The following GKAP1 variants were observed in gnomAD, a reference collection of about 807,000 sequenced individuals.
GKAP1 encodes the protein G kinase anchoring protein 1.
In GKAP1, 31 loss-of-function variants were observed where a neutral mutation model predicts 56.7. That is an observed-to-expected ratio of 0.55 (90% confidence interval 0.41 to 0.74). The LOEUF (loss-of-function observed/expected upper bound fraction) is 0.74. GKAP1 is among the 30% of genes least tolerant of loss of function. The pLI is 0.00. For missense variants in GKAP1, 364 were observed against 402.3 expected (o/e 0.90, Z 0.82); for synonymous variants, 151 against 138.6 (o/e 1.09, Z -0.63).
intron 8 of GKAP1, among the ~76,000 whole-genome samples, chr9:83,757,417 T>C (rs1033800826): frequency 2.6e-5 from 4 of 152,208 alleles, no homozygotes; most frequent in African/African-American, 9.6e-5. Flanking sequence ...GAAACAAATT[T>C]CACAAAATAT....
At chr9:83,794,031 G>A (rs908603141) in intron 4 of GKAP1, among the ~76,000 whole-genome samples, 2 of 152,144 alleles carry the variant, frequency 1.3e-5, no homozygotes, top group African/African-American at 4.8e-5. Context: ...AGCCAGCCAT[G>A]GTGGAGTGTG....
intron 3 of GKAP1, among the ~76,000 whole-genome samples, chr9:83,803,992 A>G (rs1944380960): frequency 7.7e-6 from 1 of 129,278 alleles, no homozygotes; most frequent in Non-Finnish European, 1.6e-5. Context: ...GCCCCGTCTG[A>G]GAAGTGAGGA....
intron 4 of GKAP1, among the ~76,000 whole-genome samples, chr9:83,789,419 G>C (rs1944117855): frequency 1.3e-5 from 2 of 152,174 alleles, no homozygotes; most frequent in African/African-American, 4.8e-5. Context: ...TGGGCATAAG[G>C]TGAGTGGGTT....
chr9:83,760,788 A>C (rs1435254648), intron 8 of GKAP1, among the ~76,000 whole-genome samples: 2 of 152,200 alleles, frequency 1.3e-5, no homozygotes, highest in Non-Finnish European at 2.9e-5. Context: ...TGAAGAAATT[A>C]AGAAGGAAAC....
At chr9:83,775,273 C>G (rs904793977) in intron 7 of GKAP1, among the ~76,000 whole-genome samples, 5 of 152,156 alleles carry the variant, frequency 3.3e-5, no homozygotes, top group Non-Finnish European at 7.3e-5. Context: ...TCTGAAGTAG[C>G]TGGCATTACA....
intron 2 of GKAP1, among the ~76,000 whole-genome samples, chr9:83,813,732 C>T (rs984054365): frequency 6.6e-6 from 1 of 152,150 alleles, no homozygotes; most frequent in Non-Finnish European, 1.5e-5. Context: ...GGCAGTTCAC[C>T]ATAAATAAAT....
intron 4 of GKAP1, among the ~76,000 whole-genome samples, chr9:83,797,394 T>C (rs1057485890): frequency 3.3e-5 from 5 of 152,208 alleles, no homozygotes; most frequent in African/African-American, 9.7e-5. Flanking sequence ...TCCCTGTAAA[T>C]GTAGCTACTT....
At chr9:83,776,282 GAGA>G (rs1403042111) in intron 7 of GKAP1, among the ~76,000 whole-genome samples, 1 of 152,110 alleles carries the variant, frequency 6.6e-6, no homozygotes, top group East Asian at 1.9e-4. Flanking sequence ...TCAACACACT[GAGA>G]AGAATAGAAA....
At chr9:83,770,563 T>C (rs1197483160) in intron 7 of GKAP1, among the ~76,000 whole-genome samples, 1 of 145,580 alleles carries the variant, frequency 6.9e-6, no homozygotes, top group Non-Finnish European at 1.5e-5. Flanking sequence ...TTTACACTGC[T>C]TTTTTTTTTT....
intron 11 of GKAP1, among the ~76,000 whole-genome samples, chr9:83,742,267 T>C (rs199970911): frequency 3.0e-5 from 1 of 32,894 alleles, no homozygotes. Flanking sequence ...AGATACAGGG[T>C]TAAGTTCTAT....
intron 2 of GKAP1, among the ~76,000 whole-genome samples, chr9:83,812,977 C>CT (rs1000110095): frequency 4.0e-5 from 6 of 151,420 alleles, no homozygotes; most frequent in East Asian, 1.9e-4. Flanking sequence ...TCCTCTGTAA[C>CT]TTTTTTTTTA....
At chr9:83,758,057 A>T (rs1233955296) in intron 8 of GKAP1, among the ~76,000 whole-genome samples, 1 of 152,212 alleles carries the variant, frequency 6.6e-6, no homozygotes, top group Admixed American at 6.5e-5. Context: ...AAGAGGGGAC[A>T]GGATCAGGGA....
At chr9:83,795,942 T>G (rs549563427) in intron 4 of GKAP1, among the ~76,000 whole-genome samples, 3 of 152,274 alleles carry the variant, frequency 2.0e-5, no homozygotes, top group Admixed American at 2.0e-4. Context: ...GTGATTAAAG[T>G]AGCCAGCCTG....
intron 3 of GKAP1, among the ~76,000 whole-genome samples, chr9:83,799,619 G>A (rs1309732453): frequency 6.6e-6 from 1 of 152,098 alleles, no homozygotes; most frequent in Non-Finnish European, 1.5e-5. Context: ...CTAAAAAGAA[G>A]TTTATAGGAG....
intron 4 of GKAP1, among the ~76,000 whole-genome samples, chr9:83,795,938 A>G (rs1466087067): frequency 1.3e-5 from 2 of 152,136 alleles, no homozygotes; most frequent in Non-Finnish European, 2.9e-5. Context: ...TCTGGTGATT[A>G]AAGTAGCCAG....
At chr9:83,797,956 AAAAAAG>A (rs760577875) in intron 4 of GKAP1, among the ~76,000 whole-genome samples, 42 of 152,196 alleles carry the variant, frequency 2.8e-4, no homozygotes, top group Non-Finnish European at 5.4e-4. Flanking sequence ...TTTATAAGAA[AAAAAAG>A]AATCAACCCC....
At chr9:83,788,708 A>G in intron 4 of GKAP1, 30 bp from the exon 5 acceptor site, 2 of 1,417,410 alleles carry the variant, frequency 1.4e-6, no homozygotes, top group Non-Finnish European at 2.0e-6. Context: ...CAATAAACAG[A>G]CAGTATCATT....
At position 83,739,748 on chromosome 9, in the gene GKAP1, TAA is replaced by T. The variant is rs748846032; in HGVS notation, c.1054-6_1054-5del. 14,719 of 1,406,376 alleles carry T rather than the reference TAA, an allele frequency of 0.01. No homozygotes were observed. Among genetic ancestry groups the T allele is most frequent in the South Asian group, 0.017 (1,363 of 79,356 alleles). 87.1% of individuals were successfully genotyped at this position (1,406,376 alleles called of 1,614,324 possible). On this transcript the variant is annotated splice_polypyrimidine_tract_variant and splice_region_variant and intron_variant, in intron 12 of 12. Transcript: ENST00000376371. ...TTCTTTTCCCTTTTCTGCCACCCTG[TAA>T]AAAAAAAAAAAAATAGGGAAAATTA...
chr9:83,753,081 C>CATAAATAAATAA (rs150832700), intron 9 of GKAP1, among the ~76,000 whole-genome samples, 177 bp downstream of exon 9: 1 of 149,490 alleles, frequency 6.7e-6, no homozygotes, highest in African/African-American at 2.5e-5. Flanking sequence ...ACAACAACAA[C>CATAAATAAATAA]ATAAATAAAT....
Sources: allele counts gnomAD v4.1 joint callset (sites outside exome capture counted in the v4.1 genomes callset), GRCh38; gene constraint gnomAD v4.1.1; transcripts MANE v1.5; gene names NCBI Gene and HGNC (gene_info 2026-07-23, HGNC 2026-07-21).